TRAFD1: variants seen among roughly 807,000 people sequenced by gnomAD.
TRAFD1 encodes the protein TRAF-type zinc finger domain containing 1.
A neutral mutation model predicts 65.3 loss-of-function variants in TRAFD1; 38 were observed. The observed-to-expected ratio is 0.58, with a 90% confidence interval of 0.45 to 0.76. The LOEUF is 0.76. Ranked by LOEUF, TRAFD1 falls within the 30% of genes least tolerant of loss-of-function variation. The pLI, the probability that TRAFD1 is intolerant of heterozygous loss-of-function variation, is 0.00. For missense variants in TRAFD1, 631 were observed against 712.6 expected (o/e 0.89, Z 1.30); for synonymous variants, 223 against 257.2 (o/e 0.87, Z 1.27).
At chr12:112,149,442 C>T (rs370907480) in intron 8 of TRAFD1, 49 of 243,902 alleles carry the variant, frequency 2.0e-4, no homozygotes, top group East Asian at 1.0e-3. Context: ...CTCTTTTCCC[C>T]GTTCTCACTA....
chr12:112,127,002 G>A (rs1322551337), intron 1 of TRAFD1, among the ~76,000 whole-genome samples: 1 of 152,198 alleles, frequency 6.6e-6, no homozygotes, highest in Non-Finnish European at 1.5e-5. Flanking sequence ...AAGCCCTTCA[G>A]TGGTTTACCA....
At position 112,148,420 on chromosome 12, in the gene TRAFD1, C is replaced by CACTT. The variant is rs542373805; in HGVS notation, c.1158+117_1158+120dup. 151 of 875,070 alleles carry CACTT rather than the reference C, an allele frequency of 1.7e-4. 2 individuals are homozygous for CACTT. In the East Asian group the frequency reaches 3.6e-3, roughly 21 times the overall value. 54.2% of individuals were successfully genotyped at this position (875,070 alleles called of 1,614,324 possible). Reference sequence around the variant, plus strand: ...ATTCCATCCTGACAAGGAATGCACACACTTGGCTTCTGGCCAAGTCATCTT... The same window carrying CACTT: ...ATTCCATCCTGACAAGGAATGCACACACTTACTTGGCTTCTGGCCAAGTCATCTT... On this transcript the variant is annotated intron_variant, in intron 8 of 11. Coordinates refer to ENST00000412615, the MANE Select transcript of TRAFD1 (RefSeq NM_006700.3).
chr12:112,136,313 C>G (rs1473570755), intron 4 of TRAFD1, among the ~76,000 whole-genome samples: 1 of 143,216 alleles, frequency 7.0e-6, no homozygotes, highest in Non-Finnish European at 1.5e-5. Flanking sequence ...GAATCTTGTT[C>G]CCGTCTTGCA....
At position 112,152,016 on chromosome 12, in the gene TRAFD1, C is replaced by T. The variant is rs373851260; in HGVS notation, c.1495C>T (p.Arg499Ter). ...SDSQDIQGRN[R>*]DSQNGAIAPG... ...CAGCCAGGACATCCAGGGGCGGAAT[C>T]GAGACAGCCAGAATGGGGCCATAGC... The change falls in exon 10 of 12, where the codon CGA (arginine) becomes TGA (stop). Residue 499 changes from arginine to a stop codon, truncating the protein, a stop_gained. Coordinates refer to ENST00000412615, the MANE Select transcript of TRAFD1 (RefSeq NM_006700.3). LOFTEE classifies it high-confidence loss of function. This position sits in a 1 kb window ranked among gnomAD's most constrained non-coding sequence, Gnocchi z 5.0. 3.1e-6 allele frequency: 5 copies of T among 1,614,248 alleles called. No individual in the cohort carries two copies. The highest frequency in any genetic ancestry group is 4.5e-5 in the East Asian group (2 of 44,886).
chr12:112,147,061 G>A (rs12825125), intron 7 of TRAFD1, among the ~76,000 whole-genome samples: 1 of 133,886 alleles, frequency 7.5e-6, no homozygotes, highest in Non-Finnish European at 1.5e-5. Flanking sequence ...GCGCAGTGAC[G>A]CGATCGGGGC....
In TRAFD1 at chr12:112,152,291, C is replaced by A; in HGVS notation, c.1620-136C>A. 2 of 1,430,502 alleles carry A rather than the reference C, an allele frequency of 1.4e-6. No homozygotes were observed. The highest frequency in any genetic ancestry group is 1.9e-6 in the Non-Finnish European group (2 of 1,050,670). 88.6% of individuals were successfully genotyped at this position (1,430,502 alleles called of 1,614,324 possible). ...ATTTTCCCTGTATTGTCACCTGACT[C>A]CAAAAAAATTATTTTGTGGCCTATG... is the stretch of plus-strand genomic sequence containing the variant. On this transcript the variant is annotated intron_variant, in intron 10 of 11. Coordinates refer to ENST00000412615, the MANE Select transcript of TRAFD1 (RefSeq NM_006700.3). This position sits in a 1 kb window ranked among gnomAD's most constrained non-coding sequence, Gnocchi z 5.0.
intron 7 of TRAFD1, among the ~76,000 whole-genome samples, chr12:112,146,196 GAAAA>G (rs1228479138): frequency 3.0e-5 from 1 of 33,896 alleles, no homozygotes; most frequent in Admixed American, 3.4e-4. Context: ...AGAAGAAGAA[GAAAA>G]AAAAAAACAA....
Position 112,135,061 on chromosome 12 carries a change from C to T in TRAFD1, c.232C>T (p.His78Tyr). 1 of 1,614,198 alleles carries T rather than the reference C, an allele frequency of 6.2e-7. No individual in the cohort carries two copies. The highest frequency in any genetic ancestry group is 8.5e-7 in the Non-Finnish European group (1 of 1,180,036). Residue 78 changes from histidine to tyrosine, a missense_variant, in exon 4 of 12, where the codon CAT becomes TAT. His to Tyr is a moderately conservative substitution (Grantham distance 83, BLOSUM62 2). Coordinates refer to ENST00000412615, the MANE Select transcript of TRAFD1 (RefSeq NM_006700.3). Reference protein sequence around the residue: ...KKLEKRLLKKHEETECPLRLA... With the variant: ...KKLEKRLLKKYEETECPLRLA... ...GTTGGAGAAGAGGCTGTTAAAGAAG[C>T]ATGAGGTTAGTCCATGGAGTGAGTT...
intron 6 of TRAFD1, among the ~76,000 whole-genome samples, chr12:112,143,159 A>G (rs1407170701): frequency 1.3e-5 from 2 of 151,828 alleles, no homozygotes; most frequent in Admixed American, 1.3e-4. Context: ...GGCTCACTGC[A>G]ACCTCCGCCT....
At chr12:112,151,737 C>CT in intron 9 of TRAFD1, 64 bp from the exon 10 acceptor site, 1 of 1,497,158 alleles carries the variant, frequency 6.7e-7, no homozygotes, top group Non-Finnish European at 9.1e-7. Context: ...TGTTCCTGCC[C>CT]TAAACCTGGC....
intron 9 of TRAFD1, 133 bp from the exon 10 acceptor site, chr12:112,151,668 G>T: frequency 2.3e-6 from 2 of 851,454 alleles, no homozygotes; most frequent in Non-Finnish European, 1.8e-6. Flanking sequence ...AAAGTGCTGG[G>T]TTTACAGGCA....
In TRAFD1 at chr12:112,151,845, G is replaced by A; in HGVS notation, c.1324G>A (p.Ala442Thr). The A allele has an allele frequency of 6.2e-7, 1 of 1,614,204 alleles. No homozygotes were observed. The highest frequency in any genetic ancestry group is 8.5e-7 in the Non-Finnish European group (1 of 1,180,030). The change falls in exon 10 of 12, where the codon GCT (alanine) becomes ACT (threonine). Residue 442 changes from alanine to threonine, a missense_variant. Ala to Thr is a moderately conservative substitution (Grantham distance 58). Transcript: ENST00000412615. ...CCTGGATGATACTAAGCAGGAAACAGCTAATGGGCCCACCTCCTGTCTGCC... is the reference window on the plus strand; with the variant it reads ...CCTGGATGATACTAAGCAGGAAACAACTAATGGGCCCACCTCCTGTCTGCC... ...GYLDDTKQET[A>T]NGPTSCLPPS...
Position 112,148,093 on chromosome 12 carries a change from G to C in TRAFD1, c.947G>C (p.Arg316Pro). The stretch of plus-strand genomic sequence containing the variant: ...TGACAGACAAGCTGTAACCCTTCAC[G>C]TGCCTTACCTTCACTCAATACTGGC... ...IDHQTSCNPS[R>P]ALPSLNTGSS... is the part of the protein sequence containing the mutation. Residue 316 changes from arginine to proline, a missense_variant, in exon 8 of 12, where the codon CGT becomes CCT. Transcript: ENST00000412615. The C allele has an allele frequency of 1.9e-6, 3 of 1,614,034 alleles. No homozygotes were observed. The highest frequency in any genetic ancestry group is 2.5e-6 in the Non-Finnish European group (3 of 1,179,982).
rs974920018 is a variant in TRAFD1 at position 112,137,862 on chromosome 12, A to T, written c.237+2796A>T. On this transcript the variant is annotated intron_variant, in intron 4 of 11. Coordinates refer to ENST00000412615, the MANE Select transcript of TRAFD1 (RefSeq NM_006700.3). The surrounding 1 kb of genome is among the most constrained non-coding windows in gnomAD (Gnocchi z 4.2). ...TACATATGTAAAAATTCACCAAGGT[A>T]TATACTTAAAGATTTGTGCATTTCA... Among the ~76,000 whole-genome samples, 1 of 152,236 alleles carries T rather than the reference A, an allele frequency of 6.6e-6. No individual in the cohort carries two copies. Among genetic ancestry groups the T allele is most frequent in the Non-Finnish European group, 1.5e-5 (1 of 68,036 alleles).
intron 2 of TRAFD1, among the ~76,000 whole-genome samples, chr12:112,134,218 C>G (rs1422263218): frequency 6.6e-6 from 1 of 151,236 alleles, no homozygotes. Context: ...CCATGTTGGC[C>G]AGGCTGATCT....
intron 2 of TRAFD1, 24 bp from the exon 3 acceptor site, chr12:112,134,713 CT>C (rs774135290): frequency 1.2e-6 from 2 of 1,605,648 alleles, no homozygotes; most frequent in Non-Finnish European, 1.7e-6. Context: ...TAATGCTTGC[CT>C]TTTTCTTTGG....
At chr12:112,151,573 T>C (rs1453280776) in intron 9 of TRAFD1, among the ~76,000 whole-genome samples, 10 of 151,918 alleles carry the variant, frequency 6.6e-5, no homozygotes, top group Admixed American at 6.6e-4. Context: ...TTGTATTTTT[T>C]TTTTAGTAGA....
At chr12:112,143,811 C>T (rs1296911891) in intron 6 of TRAFD1, among the ~76,000 whole-genome samples, 1 of 148,824 alleles carries the variant, frequency 6.7e-6, no homozygotes, top group Non-Finnish European at 1.5e-5. Context: ...CGGCTCACTG[C>T]AGCCTCCGCC....
chr12:112,140,851 C>T lies in TRAFD1; in HGVS notation c.270C>T (p.Cys90=). 2.5e-6 allele frequency: 4 copies of T among 1,614,130 alleles called. No individual in the cohort carries two copies. Among genetic ancestry groups the T allele is most frequent in the South Asian group, 2.2e-5 (2 of 91,080 alleles). ...ETECPLRLAV[C]QHCDLELSIL... ...AGTGCCCTTTGCGGCTTGCTGTCTG[C>T]CAGCACTGTGATTTAGAACTTTCCA... The change falls in exon 5 of 12, where the codon TGC becomes TGT. Residue 90 remains cysteine (C), a synonymous_variant. Coordinates refer to ENST00000412615, the MANE Select transcript of TRAFD1 (RefSeq NM_006700.3).
Sources: gnomAD v4.1 joint callset for allele counts (sites outside exome capture counted in the v4.1 genomes callset) on GRCh38, gnomAD v4.1.1 for gene constraint, Gnocchi (gnomAD v3.1) non-coding constraint, MANE v1.5 for transcripts, NCBI Gene and HGNC (gene_info 2026-07-23, HGNC 2026-07-21) for gene names.